ZNF385D: variants seen among roughly 807,000 people sequenced by gnomAD.
ZNF385D encodes the protein zinc finger protein 385D, also known as zinc finger protein 659.
Under a neutral mutation model 35.8 loss-of-function variants are expected in ZNF385D, and 15 were observed. The ratio of observed to expected loss-of-function variants is 0.42; its 90% confidence interval spans 0.28 to 0.64. The LOEUF is 0.64. Ranked by LOEUF, ZNF385D falls within the 30% of genes least tolerant of loss-of-function variation. ZNF385D has a pLI of 0.23. For synonymous variants in ZNF385D, 212 were observed against 186.8 expected, an observed-to-expected ratio of 1.13 and a Z score of -1.10; for missense variants, 474 against 494.6, an observed-to-expected ratio of 0.96 and a Z score of 0.39.
At chr3:21,455,970 A>G (rs1380557904) in intron 4 of ZNF385D, among the ~76,000 whole-genome samples, 1 of 152,186 alleles carries the variant, frequency 6.6e-6, no homozygotes, top group Non-Finnish European at 1.5e-5. Flanking sequence ...ATGCAGCCAA[A>G]AGACACATGA....
At chr3:21,631,295 C>T (rs975875913) in intron 2 of ZNF385D, among the ~76,000 whole-genome samples, 1 of 152,042 alleles carries the variant, frequency 6.6e-6, no homozygotes, top group Non-Finnish European at 1.5e-5. Context: ...CCTTCCAAGG[C>T]ATGTCAACCC....
intron 3 of ZNF385D, among the ~76,000 whole-genome samples, chr3:21,915,241 A>T (rs1298360294): frequency 6.6e-6 from 1 of 152,092 alleles, no homozygotes. Flanking sequence ...CTTATATTTC[A>T]TTAAAATTCT....
At chr3:22,346,173 T>G (rs969305542) in intron 2 of ZNF385D, among the ~76,000 whole-genome samples, 6 of 152,244 alleles carry the variant, frequency 3.9e-5, no homozygotes, top group Non-Finnish European at 8.8e-5. Context: ...TTAGCCTTTA[T>G]GCCTATAGAA....
chr3:22,186,798 G>A (rs770188350), intron 2 of ZNF385D, among the ~76,000 whole-genome samples: 25 of 151,964 alleles, frequency 1.6e-4, no homozygotes, highest in Non-Finnish European at 2.6e-4. Context: ...CACCAATACC[G>A]TATTTGAGAT....
chr3:21,856,475 A>T (rs1269781937), intron 3 of ZNF385D, among the ~76,000 whole-genome samples: 1 of 152,054 alleles, frequency 6.6e-6, no homozygotes, highest in African/African-American at 2.4e-5. Flanking sequence ...CAAAATTAAC[A>T]TGTAAAATAT....
intron 3 of ZNF385D, among the ~76,000 whole-genome samples, chr3:22,163,288 TCAGGTGGTATA>T (rs1407729844): frequency 1.3e-5 from 2 of 152,172 alleles, no homozygotes; most frequent in Non-Finnish European, 2.9e-5. Context: ...GAGCATGAAT[TCAGGTGGTATA>T]CATGCATTCT....
At chr3:22,080,463 T>C (rs981831534) in intron 3 of ZNF385D, among the ~76,000 whole-genome samples, 3 of 152,068 alleles carry the variant, frequency 2.0e-5, no homozygotes, top group Admixed American at 2.0e-4. Flanking sequence ...CTCATAAGCT[T>C]TGAAGGAAAC....
intron 3 of ZNF385D, among the ~76,000 whole-genome samples, chr3:21,954,788 C>A (rs938646483): frequency 1.4e-4 from 21 of 152,082 alleles, no homozygotes; most frequent in African/African-American, 4.8e-4. Context: ...TAGACATCCC[C>A]ACCCTCACTT....
chr3:21,995,904 G>A (rs903740320), intron 3 of ZNF385D, among the ~76,000 whole-genome samples: 1 of 152,064 alleles, frequency 6.6e-6, no homozygotes, highest in Admixed American at 6.6e-5. Flanking sequence ...TTCCCAGTGT[G>A]CTACATTGTC....
intron 4 of ZNF385D, among the ~76,000 whole-genome samples, chr3:21,450,611 C>A (rs962780299): frequency 3.9e-5 from 6 of 152,078 alleles, no homozygotes; most frequent in African/African-American, 1.4e-4. Context: ...CAAGACAACC[C>A]TGGATAGAAC....
chr3:22,094,807 G>C (rs1406058538), intron 3 of ZNF385D, among the ~76,000 whole-genome samples: 2 of 152,060 alleles, frequency 1.3e-5, no homozygotes, highest in Non-Finnish European at 2.9e-5. Context: ...TAGGTTGTCA[G>C]TTAACTTCAT....
At chr3:21,993,388 TATTG>T in intron 3 of ZNF385D, among the ~76,000 whole-genome samples, 1 of 152,294 alleles carries the variant, frequency 6.6e-6, no homozygotes, top group Admixed American at 6.5e-5. Flanking sequence ...GTGGTAAAAT[TATTG>T]ATTGTCTCTC....
intron 3 of ZNF385D, among the ~76,000 whole-genome samples, chr3:22,131,244 A>G (rs758489374): frequency 3.9e-5 from 6 of 152,182 alleles, no homozygotes; most frequent in Non-Finnish European, 8.8e-5. Flanking sequence ...GAAGACTGGC[A>G]AAACAGTCCG....
At chr3:22,010,908 C>G (rs1482066891) in intron 3 of ZNF385D, among the ~76,000 whole-genome samples, 3 of 152,056 alleles carry the variant, frequency 2.0e-5, no homozygotes, top group African/African-American at 4.8e-5. Flanking sequence ...TCCTCCCATC[C>G]TCCCACCACT....
At chr3:22,008,787 AG>A in intron 3 of ZNF385D, among the ~76,000 whole-genome samples, 1 of 152,372 alleles carries the variant, frequency 6.6e-6, no homozygotes, top group South Asian at 2.1e-4. Context: ...AGAAATGTAT[AG>A]AACCAAACAA....
chr3:21,736,244 T>C (rs2069236328), intron 1 of ZNF385D, among the ~76,000 whole-genome samples: 1 of 152,208 alleles, frequency 6.6e-6, no homozygotes, highest in African/African-American at 2.4e-5. Context: ...GATGGTGACA[T>C]CATCGCTGCT....
chr3:21,618,426 C>T (rs1257336499), intron 2 of ZNF385D, among the ~76,000 whole-genome samples: 1 of 152,114 alleles, frequency 6.6e-6, no homozygotes, highest in Non-Finnish European at 1.5e-5. Flanking sequence ...CTTGCCATAC[C>T]CAGTGTTGGA....
intron 3 of ZNF385D, among the ~76,000 whole-genome samples, chr3:21,768,943 G>A (rs191243151): frequency 6.7e-4 from 102 of 152,096 alleles, no homozygotes; most frequent in Non-Finnish European, 7.5e-4. Context: ...AAAGTTGACT[G>A]TGCATTCCCA....
intron 1 of ZNF385D, among the ~76,000 whole-genome samples, chr3:21,669,740 C>T (rs1052467686): frequency 2.0e-5 from 3 of 152,168 alleles, no homozygotes; most frequent in African/African-American, 4.8e-5. Context: ...TTTAATGAAC[C>T]GAAGAACTTC....
Sources: gnomAD v4.1 joint callset for allele counts (sites outside exome capture counted in the v4.1 genomes callset) on GRCh38, gnomAD v4.1.1 for gene constraint, MANE v1.5 for transcripts, NCBI Gene and HGNC (gene_info 2026-07-23, HGNC 2026-07-21) for gene names.